SHANK2: variants seen among roughly 807,000 people sequenced by gnomAD.
SHANK2 encodes SH3 and multiple ankyrin repeat domains protein 2.
SHANK2 carries 43 observed loss-of-function variants against 133.7 expected under a neutral mutation model. The ratio of observed to expected loss-of-function variants is 0.32; its 90% confidence interval spans 0.25 to 0.41. The LOEUF is 0.41. Among genes scored for constraint, SHANK2 ranks in the 10% least tolerant of loss-of-function variants. SHANK2 has a pLI of 1.00. For synonymous variants in SHANK2, 1,017 were observed against 952.8 expected, an observed-to-expected ratio of 1.07 and a Z score of -1.24; for missense variants, 1,994 against 2,235.8, an observed-to-expected ratio of 0.89 and a Z score of 2.18.
At chr11:70,509,903 T>A (rs1452212384) in intron 17 of SHANK2, among the ~76,000 whole-genome samples, 1 of 152,224 alleles carries the variant, frequency 6.6e-6, no homozygotes, top group African/African-American at 2.4e-5. Flanking sequence ...GAGAAATAAG[T>A]GCTGTTTAAG....
At chr11:70,700,752 C>A (rs1391590493) in intron 14 of SHANK2, among the ~76,000 whole-genome samples, 1 of 152,166 alleles carries the variant, frequency 6.6e-6, no homozygotes, top group Non-Finnish European at 1.5e-5. Context: ...CAGGGCAGGG[C>A]CTCAGGATCC....
rs782217141 is a variant in SHANK2 at position 70,661,662 on chromosome 11, C to T, written c.1870G>A (p.Glu624Lys). Reference protein sequence around the residue: ...FDTSSDCIIEEKTVVLQKKDN... With the variant: ...FDTSSDCIIEKKTVVLQKKDN... ...TTTTTCTGCAGGACCACCGTCTTCT[C>T]CTCAATAATGCAGTCACTGTAGAGA... The change falls in exon 16 of 26, where the codon GAG becomes AAG. Residue 624 changes from glutamate to lysine, a missense_variant. Coordinates refer to ENST00000601538, the MANE Select transcript of SHANK2 (RefSeq NM_012309.5). 1.2e-6 allele frequency: 2 copies of T among 1,614,140 alleles called. No individual in the cohort carries two copies. The highest frequency in any genetic ancestry group is 8.5e-7 in the Non-Finnish European group (1 of 1,180,036).
intron 17 of SHANK2, among the ~76,000 whole-genome samples, chr11:70,614,065 A>G (rs1044800533): frequency 1.3e-5 from 2 of 151,784 alleles, no homozygotes; most frequent in East Asian, 3.9e-4. Flanking sequence ...GCGCCCAACC[A>G]GAAGAGGGGA....
At chr11:71,086,884 G>A (rs974737625) in intron 8 of SHANK2, among the ~76,000 whole-genome samples, 1 of 152,186 alleles carries the variant, frequency 6.6e-6, no homozygotes, top group South Asian at 2.1e-4. Context: ...GGAGGCTCGC[G>A]AAGGCAAAGT....
chr11:71,108,815 C>T (rs1315877691), intron 6 of SHANK2, among the ~76,000 whole-genome samples: 2 of 152,230 alleles, frequency 1.3e-5, no homozygotes, highest in Non-Finnish European at 1.5e-5. Flanking sequence ...GCCACAAGCC[C>T]GTGCCGGCTT....
intron 10 of SHANK2, among the ~76,000 whole-genome samples, chr11:70,944,851 TTCATCTCC>T (rs1382738478): frequency 1.3e-5 from 2 of 152,220 alleles, no homozygotes; most frequent in Non-Finnish European, 2.9e-5. Flanking sequence ...CCTCCTTGTG[TTCATCTCC>T]AACATTACTG....
chr11:70,469,551 G>T lies in SHANK2; in HGVS notation c.*3318C>A, dbSNP rs1555147966. The stretch of plus-strand genomic sequence containing the variant: ...TTTTTTTTTTTATAAAGTCTAAAAA[G>T]AATAAAAGCACAAAAGTAACAGCAA... On this transcript the variant is annotated 3_prime_UTR_variant, in exon 26 of 26. Transcript: ENST00000601538. The T allele has an allele frequency of 6.8e-6, 1 of 148,088 alleles. No homozygotes were observed. The highest frequency in any genetic ancestry group is 2.0e-4 in the East Asian group (1 of 5,116). The allele number at this position is 148,088 out of a possible 1,614,324, so 9.2% of individuals were successfully genotyped here.
At position 71,083,748 on chromosome 11, in the gene SHANK2, C is replaced by T. The variant is rs902514955; in HGVS notation, c.913-8473G>A. Among the ~76,000 whole-genome samples the T allele has an allele frequency of 6.3e-4, 96 of 152,258 alleles. 1 individual carries two copies. Among genetic ancestry groups the T allele is most frequent in the South Asian group, 4.8e-3 (23 of 4,822 alleles). On this transcript the variant is annotated intron_variant, in intron 8 of 25. Coordinates refer to ENST00000601538, the MANE Select transcript of SHANK2 (RefSeq NM_012309.5). Reference sequence around the variant, plus strand: ...CCACACCCCCTGTGGCCAGGGCCAGCGTGCTGTGAAGTTGCACGGTGGATG... The same window carrying T: ...CCACACCCCCTGTGGCCAGGGCCAGTGTGCTGTGAAGTTGCACGGTGGATG...
chr11:70,551,069 A>G (rs12280844), intron 17 of SHANK2, among the ~76,000 whole-genome samples: 1 of 151,424 alleles, frequency 6.6e-6, no homozygotes, highest in Admixed American at 6.6e-5. Flanking sequence ...ACCCCCTCCC[A>G]CCCCCTCCGA....
At chr11:71,104,537 T>A (rs1951773627) in intron 6 of SHANK2, among the ~76,000 whole-genome samples, 1 of 152,236 alleles carries the variant, frequency 6.6e-6, no homozygotes, top group Non-Finnish European at 1.5e-5. Flanking sequence ...TGGCCTCTCG[T>A]TGGAACTTGC....
intron 17 of SHANK2, among the ~76,000 whole-genome samples, chr11:70,598,966 A>G (rs1314725095): frequency 6.9e-6 from 1 of 145,004 alleles, no homozygotes; most frequent in Non-Finnish European, 1.5e-5. Context: ...AGAAATTTTG[A>G]AAGCTTTTTT....
intron 17 of SHANK2, among the ~76,000 whole-genome samples, chr11:70,594,439 T>C (rs1339090558): frequency 6.6e-6 from 1 of 152,094 alleles, no homozygotes; most frequent in Non-Finnish European, 1.5e-5. Context: ...CTACGTGGGG[T>C]GGGTTCTGCA....
At chr11:70,933,828 G>A (rs1555082959) in intron 10 of SHANK2, among the ~76,000 whole-genome samples, 1 of 151,328 alleles carries the variant, frequency 6.6e-6, no homozygotes, top group African/African-American at 2.4e-5. Context: ...GCTGAGGCAG[G>A]AGAATTGGTT....
intron 10 of SHANK2, among the ~76,000 whole-genome samples, chr11:70,938,126 G>T (rs1555083730): frequency 6.6e-6 from 1 of 152,134 alleles, no homozygotes. Flanking sequence ...TTTCCCCAAG[G>T]ACAAATCCGA....
At chr11:70,547,595 C>T (rs1490791534) in intron 17 of SHANK2, among the ~76,000 whole-genome samples, 3 of 152,208 alleles carry the variant, frequency 2.0e-5, no homozygotes, top group Admixed American at 2.0e-4. Context: ...CTAGTCACCC[C>T]ACAGCCCAGC....
At chr11:70,663,153 A>G (rs1235321725) in intron 15 of SHANK2, among the ~76,000 whole-genome samples, 1 of 152,184 alleles carries the variant, frequency 6.6e-6, no homozygotes, top group Non-Finnish European at 1.5e-5. Context: ...CCCCCGTCGC[A>G]CAGGGGCAGT....
At chr11:70,595,902 T>G (rs2060393230) in intron 17 of SHANK2, among the ~76,000 whole-genome samples, 1 of 152,228 alleles carries the variant, frequency 6.6e-6, no homozygotes, top group Admixed American at 6.5e-5. Context: ...AGGACTTTAT[T>G]CCAGCGACTG....
chr11:70,476,772 A>G (rs1389611639), intron 25 of SHANK2, among the ~76,000 whole-genome samples: 1 of 152,218 alleles, frequency 6.6e-6, no homozygotes, highest in African/African-American at 2.4e-5. Flanking sequence ...AGCTGACTAC[A>G]TGGTGACTGT....
At chr11:70,899,942 C>T (rs1210123193) in intron 10 of SHANK2, among the ~76,000 whole-genome samples, 6 of 152,192 alleles carry the variant, frequency 3.9e-5, no homozygotes, top group African/African-American at 1.4e-4. Flanking sequence ...CTGGGCATTA[C>T]GTGTAACCCA....
Sources: gnomAD v4.1 joint callset for allele counts (sites outside exome capture counted in the v4.1 genomes callset) on GRCh38, gnomAD v4.1.1 for gene constraint, MANE v1.5 for transcripts, NCBI Gene and HGNC (gene_info 2026-07-23, HGNC 2026-07-21) for gene names.